The following SNX16 variants were observed in gnomAD, a reference collection of about 807,000 sequenced individuals.
SNX16 encodes sorting nexin 16.
SNX16 carries 35 observed loss-of-function variants against 36.7 expected under a neutral mutation model. The ratio of observed to expected loss-of-function variants is 0.95; its 90% confidence interval spans 0.73 to 1.27. The LOEUF (loss-of-function observed/expected upper bound fraction) is 1.27, where lower values mean the gene tolerates loss of function less well. Ranked by LOEUF, SNX16 falls within the 50% of genes most tolerant of loss-of-function variation. SNX16 has a pLI of 0.00. For synonymous variants in SNX16, 134 were observed against 132.0 expected (o/e 1.02, Z -0.10); for missense variants, 367 against 393.6 (o/e 0.93, Z 0.57).
intron 2 of SNX16, among the ~76,000 whole-genome samples, 154 bp downstream of exon 2, chr8:81,839,457 CT>C (rs1205831961): frequency 1.3e-5 from 2 of 152,110 alleles, no homozygotes. Context: ...CAAAAGTTTA[CT>C]ACAACATGAT....
chr8:81,826,099 A>G (rs1210446188), intron 3 of SNX16, among the ~76,000 whole-genome samples: 6 of 152,092 alleles, frequency 3.9e-5, no homozygotes. Context: ...GAAGAGGAAG[A>G]TAAGGGATAG....
At chr8:81,827,119 T>C (rs1438834687) in intron 3 of SNX16, among the ~76,000 whole-genome samples, 3 of 152,192 alleles carry the variant, frequency 2.0e-5, no homozygotes, top group Admixed American at 6.6e-5. Flanking sequence ...TAAACACTTA[T>C]TAATTTTAAA....
intron 2 of SNX16, among the ~76,000 whole-genome samples, chr8:81,837,330 A>C (rs1246327503): frequency 6.6e-6 from 1 of 152,206 alleles, no homozygotes; most frequent in Non-Finnish European, 1.5e-5. Context: ...CCTCCTCTCC[A>C]GTCTCTTGAA....
chr8:81,816,963 T>C (rs972529980), intron 4 of SNX16, among the ~76,000 whole-genome samples: 1 of 152,190 alleles, frequency 6.6e-6, no homozygotes, highest in Non-Finnish European at 1.5e-5. Context: ...TGCAGTTGGC[T>C]GATAGCACAG....
At position 81,801,609 on chromosome 8, in the gene SNX16, A is replaced by AG; in HGVS notation, c.939-17_939-16insC. On this transcript the variant is annotated splice_polypyrimidine_tract_variant and intron_variant, in intron 7 of 7. Transcript: ENST00000345957. ...ATTATCAGCTCTGCAAAAAAAAAAA[A>AG]AAAAGGAACATATCAATGATGGGAC... 2.0e-6 allele frequency: 3 copies of AG among 1,487,150 alleles called. No individual in the cohort carries two copies. In the East Asian group the frequency reaches 6.8e-5, roughly 34 times the overall value. The allele number at this position is 1,487,150 out of a possible 1,614,324, so 92.1% of individuals were successfully genotyped here.
At chr8:81,837,394 TATC>T (rs1353567503) in intron 2 of SNX16, among the ~76,000 whole-genome samples, 1 of 152,234 alleles carries the variant, frequency 6.6e-6, no homozygotes, top group African/African-American at 2.4e-5. Flanking sequence ...TCTTCACACA[TATC>T]ATCTGTCTTA....
chr8:81,816,293 G>A (rs763970426), intron 4 of SNX16, among the ~76,000 whole-genome samples: 8 of 151,084 alleles, frequency 5.3e-5, no homozygotes, highest in South Asian at 2.1e-4. Context: ...GGGTTCCAGC[G>A]ATTCTCCTGC....
At chr8:81,813,159 G>C (rs1424254697) in intron 5 of SNX16, among the ~76,000 whole-genome samples, 1 of 151,998 alleles carries the variant, frequency 6.6e-6, no homozygotes, top group Non-Finnish European at 1.5e-5. Context: ...ATCTTGGGTT[G>C]AAAGATACAA....
chr8:81,803,536 A>T (rs1809801671), intron 5 of SNX16, among the ~76,000 whole-genome samples: 1 of 151,896 alleles, frequency 6.6e-6, no homozygotes, highest in Non-Finnish European at 1.5e-5. Flanking sequence ...ATAAAAAATA[A>T]TTGGCAACTA....
At chr8:81,834,005 AAC>A (rs1811382130) in intron 2 of SNX16, among the ~76,000 whole-genome samples, 1 of 152,212 alleles carries the variant, frequency 6.6e-6, no homozygotes, top group Non-Finnish European at 1.5e-5. Flanking sequence ...TCACAAAATG[AAC>A]ACACCTAAAG....
chr8:81,823,783 G>A lies in SNX16; in HGVS notation c.611+9C>T, dbSNP rs764200092. On this transcript the variant is annotated intron_variant, in intron 4 of 7. Coordinates refer to ENST00000345957, the MANE Select transcript of SNX16 (RefSeq NM_152836.3). Reference sequence around the variant, plus strand: ...CTTTTATAATCTCTTATTTCAATTCGTTACATACCAGTTAGCAATGTCCTT... The same window carrying A: ...CTTTTATAATCTCTTATTTCAATTCATTACATACCAGTTAGCAATGTCCTT... 29 of 1,580,908 alleles carry A rather than the reference G, an allele frequency of 1.8e-5. No individual in the cohort carries two copies. The highest frequency in any genetic ancestry group is 1.8e-4 in the Middle Eastern group (1 of 5,674).
At chr8:81,834,403 C>T (rs1010212602) in intron 2 of SNX16, among the ~76,000 whole-genome samples, 4 of 152,168 alleles carry the variant, frequency 2.6e-5, no homozygotes, top group African/African-American at 9.7e-5. Context: ...CATGTCCTCA[C>T]ATTTCAAAAC....
chr8:81,820,422 T>C (rs1390710091), intron 4 of SNX16, among the ~76,000 whole-genome samples: 3 of 152,068 alleles, frequency 2.0e-5, no homozygotes, highest in African/African-American at 7.2e-5. Flanking sequence ...GCAGAATCAG[T>C]GCAATAATTT....
At chr8:81,826,868 T>C (rs1362750951) in intron 3 of SNX16, among the ~76,000 whole-genome samples, 1 of 152,312 alleles carries the variant, frequency 6.6e-6, no homozygotes, top group South Asian at 2.1e-4. Flanking sequence ...ATCTATATAG[T>C]TTCTACATAA....
At position 81,803,168 on chromosome 8, in the gene SNX16, GT is replaced by G; in HGVS notation, c.741del (p.Lys247AsnfsTer8). The G allele has an allele frequency of 6.2e-7, 1 of 1,611,816 alleles. No homozygotes were observed. On this transcript the variant is annotated frameshift_variant, in exon 6 of 8. Coordinates refer to ENST00000345957, the MANE Select transcript of SNX16 (RefSeq NM_152836.3). LOFTEE classifies it high-confidence loss of function. The part of the protein sequence containing the change: ...NYRLQKELLE[K>X]QKEMESLKKL... Reference sequence around the variant, plus strand: ...TTCTTTAGTGATTCCATCTCCTTTTGTTTTTCAAGTAGTTCTTTCTGTAAGC... The same window carrying G: ...TTCTTTAGTGATTCCATCTCCTTTTGTTTTCAAGTAGTTCTTTCTGTAAGC...
At chr8:81,834,758 C>A (rs1229459218) in intron 2 of SNX16, among the ~76,000 whole-genome samples, 1 of 152,160 alleles carries the variant, frequency 6.6e-6, no homozygotes, top group Non-Finnish European at 1.5e-5. Flanking sequence ...CTCCCATGGC[C>A]TTGGGCAGCT....
intron 4 of SNX16, among the ~76,000 whole-genome samples, chr8:81,819,419 T>C (rs1368974441): frequency 6.6e-6 from 1 of 152,142 alleles, no homozygotes; most frequent in Non-Finnish European, 1.5e-5. Flanking sequence ...ATTTCGATTA[T>C]GATATTTCCT....
At chr8:81,813,238 A>AAC (rs141217558) in intron 5 of SNX16, among the ~76,000 whole-genome samples, 1,578 of 152,098 alleles carry the variant, frequency 0.01, 24 homozygotes, top group African/African-American at 0.035. Context: ...AGCTGCAGTA[A>AAC]ACAAGACAGT....
chr8:81,830,577 G>A (rs966746848), intron 2 of SNX16, among the ~76,000 whole-genome samples: 8 of 119,662 alleles, frequency 6.7e-5, no homozygotes, highest in Admixed American at 5.9e-4. Context: ...CCGTCTAGGG[G>A]GTAAAAAAAA....
Sources: gnomAD v4.1 joint callset for allele counts (sites outside exome capture counted in the v4.1 genomes callset) on GRCh38, gnomAD v4.1.1 for gene constraint, MANE v1.5 for transcripts, NCBI Gene and HGNC (gene_info 2026-07-23, HGNC 2026-07-21) for gene names.